Variants in MICAL2 observed in about 807,000 individuals in gnomAD.
MICAL2 encodes the protein [F-actin]-monooxygenase MICAL2.
A neutral mutation model predicts 127.3 loss-of-function variants in MICAL2; 77 were observed. The observed-to-expected ratio is 0.60, with a 90% CI of 0.50 to 0.73. MICAL2 has a LOEUF of 0.73. Ranked by LOEUF, MICAL2 falls within the 30% of genes least tolerant of loss-of-function variation. The pLI, the probability that MICAL2 is intolerant of heterozygous loss-of-function variation, is 0.00. For missense variants in MICAL2, 1,351 were observed against 1,434.4 expected, an observed-to-expected ratio of 0.94 and a Z score of 0.94; for synonymous variants, 570 against 551.1, an observed-to-expected ratio of 1.03 and a Z score of -0.48.
At chr11:12,345,131 A>AAAAAAAAAAT in intron 32 of MICAL2, among the ~76,000 whole-genome samples, 1 of 151,112 alleles carries the variant, frequency 6.6e-6, no homozygotes, top group South Asian at 2.1e-4. Flanking sequence ...AAAAAAAGAA[A>AAAAAAAAAAT]AAAGAAAGAA....
chr11:12,168,214 TATACACAC>T (rs1225966121), intron 3 of MICAL2, among the ~76,000 whole-genome samples: 12 of 149,500 alleles, frequency 8.0e-5, no homozygotes, highest in African/African-American at 2.7e-4. Context: ...TAGTCACACA[TATACACAC>T]ATACACACAC....
chr11:12,269,156 T>G (rs1863643080), intron 24 of MICAL2, among the ~76,000 whole-genome samples: 1 of 152,150 alleles, frequency 6.6e-6, no homozygotes, highest in Admixed American at 6.5e-5. Context: ...GTTTGCTCAG[T>G]GCTGGGGTCT....
chr11:12,359,281 T>C (rs1939175077), downstream of MICAL2: 1 of 151,662 alleles, frequency 6.6e-6, no homozygotes, highest in Admixed American at 6.6e-5. Flanking sequence ...ATGAAAAGCA[T>C]TTTCAGAAAA....
chr11:12,119,306 GGA>G (rs1463903166), intron 1 of MICAL2, among the ~76,000 whole-genome samples: 1 of 152,198 alleles, frequency 6.6e-6, no homozygotes, highest in Non-Finnish European at 1.5e-5. Flanking sequence ...CGGCATGAGA[GGA>G]GAGAGGCTAT....
chr11:12,312,811 C>T (rs374465469), intron 29 of MICAL2, among the ~76,000 whole-genome samples: 116 of 152,290 alleles, frequency 7.6e-4, no homozygotes, highest in African/African-American at 2.5e-3. Context: ...TTCTTGGCCT[C>T]TCTGTACAGC....
At chr11:12,267,419 CT>C (rs1159097604), downstream of MICAL2, among the ~76,000 whole-genome samples, 1 of 152,176 alleles carries the variant, frequency 6.6e-6, no homozygotes, top group Non-Finnish European at 1.5e-5. Flanking sequence ...CTTGACTCTT[CT>C]TTCTCTTGAC....
At chr11:12,186,693 T>C (rs1172040381) in intron 3 of MICAL2, among the ~76,000 whole-genome samples, 3 of 152,198 alleles carry the variant, frequency 2.0e-5, no homozygotes, top group Admixed American at 6.5e-5. Flanking sequence ...GGTTTGCCTC[T>C]TACGGGCTCA....
chr11:12,215,260 A>G (rs1855992762), intron 7 of MICAL2, among the ~76,000 whole-genome samples: 1 of 152,218 alleles, frequency 6.6e-6, no homozygotes, highest in African/African-American at 2.4e-5. Flanking sequence ...CAGTGCCCTC[A>G]GACAGTGACA....
At chr11:12,135,489 G>A (rs937428455) in intron 1 of MICAL2, among the ~76,000 whole-genome samples, 1 of 152,144 alleles carries the variant, frequency 6.6e-6, no homozygotes, top group Non-Finnish European at 1.5e-5. Context: ...TCACCTCCAA[G>A]CACCTGCTCT....
In MICAL2 at chr11:12,305,619, C is replaced by T. The variant is rs1864100439; in HGVS notation, c.5212+10762C>T. Among the ~76,000 whole-genome samples, 4 of 152,280 alleles carry T rather than the reference C, an allele frequency of 2.6e-5. No homozygotes were observed. In the South Asian group the frequency reaches 8.3e-4, roughly 32 times the overall value. On this transcript the variant is annotated intron_variant, in intron 29 of 34. Transcript: ENST00000646065. The stretch of plus-strand genomic sequence containing the variant: ...ATATACTGTAATAAAAGTTGTGTGC[C>T]TGTGACCTAGCTCTCACAAAATATC...
chr11:12,338,045 A>T (rs1938797365), intron 32 of MICAL2, among the ~76,000 whole-genome samples: 1 of 152,100 alleles, frequency 6.6e-6, no homozygotes, highest in Non-Finnish European at 1.5e-5. Flanking sequence ...TCTAATGTTG[A>T]CAGTGGGGTG....
At chr11:12,216,159 C>A in intron 7 of MICAL2, 60 bp from the exon 8 acceptor site, 1 of 1,283,508 alleles carries the variant, frequency 7.8e-7, no homozygotes, top group Non-Finnish European at 1.1e-6. Flanking sequence ...AAGTACAGTT[C>A]CTGGCACACA....
intron 3 of MICAL2, among the ~76,000 whole-genome samples, chr11:12,199,006 C>T (rs1389984764): frequency 6.6e-6 from 1 of 152,192 alleles, no homozygotes; most frequent in Non-Finnish European, 1.5e-5. Flanking sequence ...TCATCCTGAC[C>T]TCACCACTGA....
At chr11:12,150,125 GGCT>G (rs1853412337) in intron 2 of MICAL2, among the ~76,000 whole-genome samples, 1 of 152,180 alleles carries the variant, frequency 6.6e-6, no homozygotes, top group Non-Finnish European at 1.5e-5. Flanking sequence ...TGGAAACCTA[GGCT>G]GTGAGGGGAA....
intron 3 of MICAL2, among the ~76,000 whole-genome samples, chr11:12,189,260 A>G (rs752703723): frequency 6.6e-6 from 1 of 152,050 alleles, no homozygotes; most frequent in Non-Finnish European, 1.5e-5. Context: ...AGTCCCCACT[A>G]TGTGTAAAGT....
chr11:12,213,198 T>C, intron 6 of MICAL2, 57 bp from the exon 7 acceptor site: 3 of 1,533,210 alleles, frequency 2.0e-6, no homozygotes, highest in Non-Finnish European at 2.6e-6. Flanking sequence ...ATAATCATTT[T>C]CAGTTTTCAC....
intron 3 of MICAL2, among the ~76,000 whole-genome samples, chr11:12,189,226 A>C (rs1858740691): frequency 6.6e-6 from 1 of 152,178 alleles, no homozygotes; most frequent in South Asian, 2.1e-4. Context: ...GCTTCCTTCC[A>C]GGTCCTTGCC....
At chr11:12,209,638 G>T (rs948311192) in intron 6 of MICAL2, 40 bp downstream of exon 6, 4 of 1,525,214 alleles carry the variant, frequency 2.6e-6, no homozygotes, top group Non-Finnish European at 2.7e-6. Flanking sequence ...GGGGGGATGG[G>T]AATGGGAGAG....
intron 1 of MICAL2, among the ~76,000 whole-genome samples, chr11:12,120,577 G>A (rs1850423491): frequency 6.6e-6 from 1 of 152,234 alleles, no homozygotes; most frequent in African/African-American, 2.4e-5. Flanking sequence ...ACCAGGGGAG[G>A]CTTCCTGGAG....
Sources: gnomAD v4.1 joint callset for allele counts (sites outside exome capture counted in the v4.1 genomes callset) on GRCh38, gnomAD v4.1.1 for gene constraint, MANE v1.5 for transcripts, NCBI Gene and HGNC (gene_info 2026-07-23, HGNC 2026-07-21) for gene names.